Variants in TBC1D9 observed in about 807,000 individuals in gnomAD.
TBC1D9 encodes the protein TBC1 domain family member 9A.
Under a neutral mutation model 132.0 loss-of-function variants are expected in TBC1D9, and 63 were observed. That is an observed-to-expected ratio of 0.48 (90% CI 0.39 to 0.59). The LOEUF (loss-of-function observed/expected upper bound fraction) is 0.59, where lower values mean the gene tolerates loss of function less well. TBC1D9 is among the 20% of genes least tolerant of loss of function. The pLI, the probability that TBC1D9 is intolerant of heterozygous loss-of-function variation, is 0.00. For synonymous variants in TBC1D9, 610 were observed against 609.9 expected (o/e 1.00, Z 0.00); for missense variants, 1,261 against 1,592.7 (o/e 0.79, Z 3.54).
chr4:140,750,807 G>A (rs1304545503), intron 1 of TBC1D9, among the ~76,000 whole-genome samples: 1 of 152,034 alleles, frequency 6.6e-6, no homozygotes, highest in African/African-American at 2.4e-5. Context: ...GTGAGACTTT[G>A]CAAGCTGATT....
chr4:140,680,839 T>C (rs1337044688), intron 3 of TBC1D9, among the ~76,000 whole-genome samples: 1 of 152,184 alleles, frequency 6.6e-6, no homozygotes, highest in Non-Finnish European at 1.5e-5. Context: ...TAGTGCATCC[T>C]TGATGCTCCC....
intron 1 of TBC1D9, among the ~76,000 whole-genome samples, chr4:140,749,236 T>G (rs1738885541): frequency 6.6e-6 from 1 of 151,192 alleles, no homozygotes; most frequent in Admixed American, 6.6e-5. Context: ...AAAAAAGTAC[T>G]GGTTAATAAT....
At chr4:140,655,862 C>T (rs149656992) in intron 13 of TBC1D9, among the ~76,000 whole-genome samples, 209 of 152,230 alleles carry the variant, frequency 1.4e-3, no homozygotes, top group African/African-American at 4.8e-3. Context: ...CAAAGAAGCC[C>T]TAAGTACTTA....
intron 1 of TBC1D9, among the ~76,000 whole-genome samples, chr4:140,738,947 A>C (rs1246387950): frequency 1.3e-5 from 2 of 152,222 alleles, no homozygotes; most frequent in African/African-American, 2.4e-5. Context: ...ACATGGGAGA[A>C]GGGAGAAGGT....
intron 1 of TBC1D9, among the ~76,000 whole-genome samples, chr4:140,713,467 G>A (rs1434584646): frequency 6.6e-6 from 1 of 151,972 alleles, no homozygotes; most frequent in Non-Finnish European, 1.5e-5. Context: ...TTTAGGCCAG[G>A]TACAGTGGAC....
intron 1 of TBC1D9, among the ~76,000 whole-genome samples, chr4:140,702,733 G>A (rs1278587968): frequency 6.6e-6 from 1 of 152,122 alleles, no homozygotes; most frequent in Non-Finnish European, 1.5e-5. Flanking sequence ...AAATAACACA[G>A]ATTACACACA....
chr4:140,694,065 C>T (rs1367011669), intron 2 of TBC1D9, among the ~76,000 whole-genome samples: 1 of 152,036 alleles, frequency 6.6e-6, no homozygotes, highest in Admixed American at 6.6e-5. Context: ...TTTATTTTTG[C>T]TATTTTAATT....
At chr4:140,753,280 G>A (rs146217752) in intron 1 of TBC1D9, among the ~76,000 whole-genome samples, 6 of 150,742 alleles carry the variant, frequency 4.0e-5, no homozygotes, top group Admixed American at 1.3e-4. Context: ...CTTTTCTAGC[G>A]ATAAGGTCTC....
At chr4:140,644,304 G>A (rs1737062485) in intron 13 of TBC1D9, 3 of 288,928 alleles carry the variant, frequency 1.0e-5, no homozygotes, top group Non-Finnish European at 1.4e-5. Flanking sequence ...GATACCCGGG[G>A]TGGACAGCAG....
At chr4:140,661,266 G>A (rs149323395) in intron 10 of TBC1D9, among the ~76,000 whole-genome samples, 6 of 152,278 alleles carry the variant, frequency 3.9e-5, no homozygotes, top group African/African-American at 7.2e-5. Context: ...CCAAATTTTG[G>A]CATCTATACC....
At chr4:140,667,927 T>C (rs1026149407) in intron 9 of TBC1D9, among the ~76,000 whole-genome samples, 1 of 152,202 alleles carries the variant, frequency 6.6e-6, no homozygotes, top group Non-Finnish European at 1.5e-5. Context: ...TTTTAAAGGC[T>C]TTCCTGTGAG....
At chr4:140,747,246 G>A (rs1004523984) in intron 1 of TBC1D9, among the ~76,000 whole-genome samples, 18 of 151,922 alleles carry the variant, frequency 1.2e-4, no homozygotes, top group South Asian at 2.1e-4. Flanking sequence ...TAGCTACTTG[G>A]GAGGCTGAGG....
Position 140,706,955 on chromosome 4 carries a change from T to C in TBC1D9, c.131-5341A>G, listed in dbSNP as rs942091626. 6.6e-5 allele frequency among the ~76,000 whole-genome samples: 10 copies of C among 152,176 alleles called. No individual in the cohort carries two copies. The highest frequency in any genetic ancestry group is 1.2e-4 in the Non-Finnish European group (8 of 68,030). ...ATTATGCAACTGTAATCGTATTCTG[T>C]TTGCATAAATCCTTAAGCACCTAAG... is the stretch of plus-strand genomic sequence containing the variant. On this transcript the variant is annotated intron_variant, in intron 1 of 20. Transcript: ENST00000442267. The surrounding 1 kb of genome is among the most constrained non-coding windows in gnomAD (Gnocchi z 4.0).
intron 13 of TBC1D9, chr4:140,644,965 A>C (rs1375819505): frequency 4.4e-5 from 20 of 459,142 alleles, no homozygotes; most frequent in Non-Finnish European, 7.4e-5. Context: ...CCCAAGCCCC[A>C]GGGGTGTCCG....
Position 140,755,941 on chromosome 4 carries a change from A to C in TBC1D9, c.105T>G (p.Asp35Glu), listed in dbSNP as rs1205854769. 1.6e-5 allele frequency: 25 copies of C among 1,586,412 alleles called. No homozygotes were observed. Among genetic ancestry groups the C allele is most frequent in the Non-Finnish European group, 2.1e-5 (24 of 1,168,394 alleles). ...CCGCCAGTCCGCCGCCGCCGCCTCC[A>C]TCGCCGGCGTGGCCCTTCCTCCGCT... is the stretch of plus-strand genomic sequence containing the variant. ...ILQRRKGHAG[D>E]GGGGGGLAGL... Residue 35 changes from aspartate (D) to glutamate (E), a missense_variant, in exon 1 of 21, where the codon GAT becomes GAG. Asp to Glu is a conservative substitution (Grantham distance 45). Around this residue, in one of 3 missense-constraint regions of TBC1D9, gnomAD observed 550 missense variants for 699.0 expected, o/e 0.79. Transcript: ENST00000442267.
In TBC1D9 at chr4:140,639,112, G is replaced by C; in HGVS notation, c.2479C>G (p.Leu827Val). 6.3e-7 allele frequency: 1 copy of C among 1,590,856 alleles called. No homozygotes were observed. The highest frequency in any genetic ancestry group is 8.6e-7 in the Non-Finnish European group (1 of 1,167,548). The change falls in exon 15 of 21, where the codon CTG (leucine) becomes GTG (valine). Residue 827 changes from leucine to valine, a missense_variant. Physicochemically the swap from Leu to Val is conservative, Grantham distance 32. This residue lies in a region of TBC1D9 where 618 missense variants were observed against 724.4 expected (regional missense o/e 0.85). Coordinates refer to ENST00000442267, the MANE Select transcript of TBC1D9 (RefSeq NM_015130.3). ...VTETSFTIDE[L>V]EELYALFKAE... Reference sequence around the variant, plus strand: ...TTGAAAAGAGCATAAAGTTCTTCCAGCTCATCAATGGTAAAGGAAGTTTCT... The same window carrying C: ...TTGAAAAGAGCATAAAGTTCTTCCACCTCATCAATGGTAAAGGAAGTTTCT...
chr4:140,682,809 A>G (rs1737726112), intron 3 of TBC1D9, among the ~76,000 whole-genome samples: 1 of 152,208 alleles, frequency 6.6e-6, no homozygotes. Context: ...AATGAGTGAC[A>G]TATAACAAAC....
chr4:140,641,933 T>C (rs1737005603), intron 13 of TBC1D9: 1 of 473,358 alleles, frequency 2.1e-6, no homozygotes, highest in Non-Finnish European at 3.9e-6. Flanking sequence ...ACACAGAAAG[T>C]ATTTTGTGTT....
At chr4:140,679,486 TA>T (rs144405227) in intron 4 of TBC1D9, 128 bp downstream of exon 4, 247 of 718,512 alleles carry the variant, frequency 3.4e-4, no homozygotes, top group Non-Finnish European at 4.3e-4. Context: ...ACTTCAGTAG[TA>T]AAAAAAAATT....
Sources: gnomAD v4.1 joint callset for allele counts (sites outside exome capture counted in the v4.1 genomes callset) on GRCh38, gnomAD v4.1.1 for gene constraint, gnomAD v4.1.1 regional missense constraint, Gnocchi (gnomAD v3.1) non-coding constraint, MANE v1.5 for transcripts, NCBI Gene and HGNC (gene_info 2026-07-23, HGNC 2026-07-21) for gene names.